GRID2: variants seen among roughly 807,000 people sequenced by gnomAD.
The protein encoded by GRID2 is glutamate ionotropic receptor delta type subunit 2.
A neutral mutation model predicts 114.8 loss-of-function variants in GRID2; 33 were observed. That is an observed-to-expected ratio of 0.29 (90% CI 0.22 to 0.38). The LOEUF (loss-of-function observed/expected upper bound fraction) is 0.38. GRID2 is among the 10% of genes least tolerant of loss of function. GRID2 has a pLI of 1.00. For missense variants in GRID2, 1,184 were observed against 1,257.7 expected, an observed-to-expected ratio of 0.94 and a Z score of 0.89; for synonymous variants, 505 against 449.9, an observed-to-expected ratio of 1.12 and a Z score of -1.55.
intron 13 of GRID2, among the ~76,000 whole-genome samples, chr4:93,621,083 T>G (rs957587508): frequency 1.3e-5 from 2 of 152,184 alleles, no homozygotes; most frequent in Non-Finnish European, 2.9e-5. Flanking sequence ...CCTTATAGAC[T>G]TAACCTTCAG....
chr4:92,682,493 G>A (rs914624320), intron 2 of GRID2, among the ~76,000 whole-genome samples: 46 of 152,220 alleles, frequency 3.0e-4, no homozygotes, highest in African/African-American at 1.1e-3. Context: ...AAGCCTGAAA[G>A]TATACTTCCA....
chr4:93,215,104 T>C (rs1438077119), intron 5 of GRID2, among the ~76,000 whole-genome samples: 1 of 152,034 alleles, frequency 6.6e-6, no homozygotes, highest in African/African-American at 2.4e-5. Context: ...GCTTAACATA[T>C]AGTAGATACT....
In GRID2 at chr4:93,473,709, A is replaced by C. The variant is rs867656234; in HGVS notation, c.1859-16930A>C. ...ATAAAGGTATAAAATAATACCATGT[A>C]ATGCAAGAAGGCTATAACTAATTCA... On this transcript the variant is annotated intron_variant, in intron 11 of 15. Transcript: ENST00000282020. 2.6e-5 allele frequency among the ~76,000 whole-genome samples: 4 copies of C among 152,290 alleles called. No individual in the cohort carries two copies. In the South Asian group the frequency reaches 8.3e-4, roughly 32 times the overall value.
intron 2 of GRID2, among the ~76,000 whole-genome samples, chr4:92,799,569 G>A (rs573077435): frequency 4.0e-5 from 6 of 151,828 alleles, no homozygotes; most frequent in African/African-American, 7.2e-5. Flanking sequence ...TTTTTTCTTC[G>A]TGTGCACATC....
intron 4 of GRID2, 76 bp downstream of exon 4, chr4:93,111,029 G>A (rs909005243): frequency 1.4e-5 from 13 of 902,726 alleles, no homozygotes; most frequent in Non-Finnish European, 2.4e-5. Context: ...CAGAGGAGAT[G>A]AAAATTAAGA....
chr4:93,705,964 A>G (rs557596238), intron 14 of GRID2, among the ~76,000 whole-genome samples: 1 of 152,044 alleles, frequency 6.6e-6, no homozygotes, highest in African/African-American at 2.4e-5. Context: ...TGTTCTTGGC[A>G]CCTAAGTTGG....
rs117575960 is a variant in GRID2 at position 93,522,858 on chromosome 4, G to A, written c.2193+7447G>A. Among the ~76,000 whole-genome samples the A allele has an allele frequency of 9.1e-4, 139 of 152,278 alleles. 3 individuals are homozygous for A. In the East Asian group the frequency reaches 0.023, roughly 25 times the overall value. Reference sequence around the variant, plus strand: ...TAGTAGAAAAGACAAAATCTTTGGAGAAGAGGAAGACTTGAGACTGAAAAA... The same window carrying A: ...TAGTAGAAAAGACAAAATCTTTGGAAAAGAGGAAGACTTGAGACTGAAAAA... On this transcript the variant is annotated intron_variant, in intron 13 of 15. Coordinates refer to ENST00000282020, the MANE Select transcript of GRID2 (RefSeq NM_001510.4).
chr4:93,259,051 GTAT>G (rs757566211), intron 8 of GRID2: 17 of 358,784 alleles, frequency 4.7e-5, no homozygotes, highest in Non-Finnish European at 8.9e-5. Context: ...AGAAAAAAAA[GTAT>G]TATAGAGATG....
chr4:93,529,357 C>T (rs1196599248), intron 13 of GRID2, among the ~76,000 whole-genome samples: 1 of 152,198 alleles, frequency 6.6e-6, no homozygotes, highest in African/African-American at 2.4e-5. Flanking sequence ...CAGTGATCTT[C>T]AAGGCATGGG....
intron 4 of GRID2, among the ~76,000 whole-genome samples, chr4:93,179,286 A>G (rs1739659085): frequency 6.6e-6 from 1 of 152,152 alleles, no homozygotes; most frequent in Admixed American, 6.6e-5. Flanking sequence ...GAAAGCTAGT[A>G]TATCTTCTTG....
At chr4:93,760,734 C>T (rs1420802017) in intron 14 of GRID2, among the ~76,000 whole-genome samples, 2 of 152,132 alleles carry the variant, frequency 1.3e-5, no homozygotes, top group Non-Finnish European at 2.9e-5. Context: ...AATTAAAAAC[C>T]ATTTTCATAT....
intron 9 of GRID2, among the ~76,000 whole-genome samples, chr4:93,404,925 A>G (rs1435112375): frequency 6.6e-6 from 1 of 152,174 alleles, no homozygotes; most frequent in Admixed American, 6.6e-5. Context: ...AGAAAATTCC[A>G]GCAACCTATG....
chr4:93,076,837 C>T (rs1270052609), intron 2 of GRID2, among the ~76,000 whole-genome samples: 1 of 151,844 alleles, frequency 6.6e-6, no homozygotes, highest in Admixed American at 6.6e-5. Context: ...AGGCTGGTCT[C>T]GAACTCCTGA....
intron 2 of GRID2, among the ~76,000 whole-genome samples, chr4:93,080,558 G>A (rs978800592): frequency 1.3e-5 from 2 of 152,042 alleles, no homozygotes; most frequent in Non-Finnish European, 2.9e-5. Context: ...AGAAACTCTA[G>A]GAGTAGACTT....
At chr4:92,778,861 C>A (rs941807787) in intron 2 of GRID2, among the ~76,000 whole-genome samples, 1 of 151,932 alleles carries the variant, frequency 6.6e-6, no homozygotes, top group Non-Finnish European at 1.5e-5. Flanking sequence ...TGGTTCATGC[C>A]TTAAAGATAA....
intron 1 of GRID2, among the ~76,000 whole-genome samples, chr4:92,539,651 T>C (rs1364743045): frequency 1.3e-5 from 2 of 152,178 alleles, no homozygotes; most frequent in Non-Finnish European, 2.9e-5. Context: ...ATGATTGTCA[T>C]TGCTACCAAA....
chr4:92,645,590 T>A (rs1731571214), intron 2 of GRID2, among the ~76,000 whole-genome samples: 3 of 151,646 alleles, frequency 2.0e-5, no homozygotes, highest in African/African-American at 7.3e-5. Context: ...AATATCCAGA[T>A]CAGGATATAG....
intron 14 of GRID2, among the ~76,000 whole-genome samples, chr4:93,648,503 G>A (rs1423441374): frequency 6.6e-6 from 1 of 152,100 alleles, no homozygotes; most frequent in African/African-American, 2.4e-5. Context: ...TCTGTACAAA[G>A]CCATTGTTGA....
At chr4:93,098,007 C>A (rs1423480715) in intron 3 of GRID2, among the ~76,000 whole-genome samples, 1 of 151,876 alleles carries the variant, frequency 6.6e-6, no homozygotes, top group Admixed American at 6.6e-5. Context: ...AGATATCTCA[C>A]CTTTCTAAGT....
Sources: allele counts gnomAD v4.1 joint callset (sites outside exome capture counted in the v4.1 genomes callset), GRCh38; gene constraint gnomAD v4.1.1; transcripts MANE v1.5; gene names NCBI Gene and HGNC (gene_info 2026-07-23, HGNC 2026-07-21).